LNPK: variants seen among roughly 807,000 people sequenced by gnomAD.
The protein encoded by LNPK is endoplasmic reticulum junction formation protein lunapark.
LNPK carries 29 observed loss-of-function variants against 55.2 expected under a neutral mutation model. That is an observed-to-expected ratio of 0.53 (90% confidence interval 0.39 to 0.72). The LOEUF is 0.72. Ranked by LOEUF, LNPK falls within the 30% of genes least tolerant of loss-of-function variation. The probability of loss-of-function intolerance (pLI) is 0.00; values close to 1 mark genes in which losing one functional copy is unlikely to be tolerated. For synonymous variants in LNPK, 162 were observed against 168.2 expected, an observed-to-expected ratio of 0.96 and a Z score of 0.29; for missense variants, 467 against 494.8, an observed-to-expected ratio of 0.94 and a Z score of 0.53.
chr2:175,948,029 A>C (rs1685229891), intron 8 of LNPK, among the ~76,000 whole-genome samples: 1 of 152,232 alleles, frequency 6.6e-6, no homozygotes, highest in Non-Finnish European at 1.5e-5. Context: ...AAAGTTTATC[A>C]GAATTAGTCA....
rs1188605177 is a variant in LNPK at position 175,964,533 on chromosome 2, C to T, written c.414G>A (p.Arg138=). The T allele has an allele frequency of 1.2e-6, 2 of 1,610,768 alleles. No individual in the cohort carries two copies. Among genetic ancestry groups the T allele is most frequent in the South Asian group, 2.2e-5 (2 of 90,998 alleles). The change falls in exon 7 of 13, where the codon AGG becomes AGA. Residue 138 remains arginine, a synonymous_variant. Transcript: ENST00000272748. ...TYKTAKLILE[R]FDPDSKKAKE... Reference sequence around the variant, plus strand: ...TTGCTTTCTTTGAGTCCGGATCAAACCTTTCAAGAATTAATTTAGCCGTCT... The same window carrying T: ...TTGCTTTCTTTGAGTCCGGATCAAATCTTTCAAGAATTAATTTAGCCGTCT...
rs1684001098 is a variant in LNPK, at chr2:175,926,207, T to G, written c.*3760A>C. 1 of 152,198 alleles carries G rather than the reference T, an allele frequency of 6.6e-6. No homozygotes were observed. The highest frequency in any genetic ancestry group is 1.5e-5 in the Non-Finnish European group (1 of 68,044). 9.4% of individuals were successfully genotyped at this position (152,198 alleles called of 1,614,324 possible). ...AATTTTAAGCAAAGTTGCTTCCTGC[T>G]ATGGTTTGAATGCTACAAAAAGCAT... On this transcript the variant is annotated 3_prime_UTR_variant, in exon 13 of 13. Transcript: ENST00000272748.
intron 2 of LNPK, 128 bp downstream of exon 2, chr2:175,995,430 G>A (rs901772645): frequency 3.4e-6 from 2 of 588,404 alleles, no homozygotes; most frequent in Non-Finnish European, 2.9e-6. Context: ...ATTCAAAAGA[G>A]AAGAAAAAAG....
At position 175,929,945 on chromosome 2, in the gene LNPK, T is replaced by A. The variant is rs1684183520; in HGVS notation, c.*22A>T. 1 of 1,613,082 alleles carries A rather than the reference T, an allele frequency of 6.2e-7. No homozygotes were observed. Among genetic ancestry groups the A allele is most frequent in the Non-Finnish European group, 8.5e-7 (1 of 1,179,412 alleles). On this transcript the variant is annotated 3_prime_UTR_variant, in exon 13 of 13. Coordinates refer to ENST00000272748, the MANE Select transcript of LNPK (RefSeq NM_030650.3). ...ATCAGTAAGACTATAAATATCCAGT[T>A]GAAGGCACGTGGAAGCATTTACTAC...
At chr2:175,976,384 G>A (rs1686914568) in intron 5 of LNPK, among the ~76,000 whole-genome samples, 1 of 152,224 alleles carries the variant, frequency 6.6e-6, no homozygotes, top group Non-Finnish European at 1.5e-5. Context: ...TAATGTGAAT[G>A]AATATGAAAG....
At chr2:175,952,251 T>C (rs573748282) in intron 8 of LNPK, among the ~76,000 whole-genome samples, 6 of 151,938 alleles carry the variant, frequency 3.9e-5, no homozygotes, top group Non-Finnish European at 7.4e-5. Flanking sequence ...ATTTCAGAAA[T>C]TGGATTTTAG....
At chr2:175,975,371 C>T (rs1400884889) in intron 5 of LNPK, among the ~76,000 whole-genome samples, 2 of 152,166 alleles carry the variant, frequency 1.3e-5, no homozygotes. Context: ...ATTTGTATAA[C>T]ACTTCGCAAT....
intron 12 of LNPK, among the ~76,000 whole-genome samples, chr2:175,931,077 A>C (rs943498148): frequency 4.6e-5 from 7 of 152,152 alleles, no homozygotes; most frequent in African/African-American, 1.7e-4. Flanking sequence ...CCTTTGGGCC[A>C]CCCAATTTCT....
At chr2:175,951,810 T>C (rs1298750004) in intron 8 of LNPK, among the ~76,000 whole-genome samples, 2 of 151,914 alleles carry the variant, frequency 1.3e-5, no homozygotes, top group African/African-American at 2.4e-5. Context: ...GAAATCTCCA[T>C]ACTGTTTTCC....
At chr2:175,986,393 T>C (rs544412122) in intron 4 of LNPK, among the ~76,000 whole-genome samples, 1 of 152,056 alleles carries the variant, frequency 6.6e-6, no homozygotes, top group South Asian at 2.1e-4. Context: ...CATCCATAAA[T>C]AACTGATAGA....
intron 1 of LNPK, among the ~76,000 whole-genome samples, chr2:175,998,137 A>T (rs996924083): frequency 2.6e-5 from 4 of 152,134 alleles, no homozygotes; most frequent in Non-Finnish European, 5.9e-5. Flanking sequence ...TAGTGTGCTA[A>T]GTAACATCCC....
chr2:175,995,986 T>C (rs1687914650), intron 1 of LNPK, among the ~76,000 whole-genome samples: 1 of 151,822 alleles, frequency 6.6e-6, no homozygotes, highest in African/African-American at 2.4e-5. Context: ...CTAATTTTTG[T>C]ATTCTTGGTA....
chr2:175,952,578 A>G (rs1242005947), intron 8 of LNPK, among the ~76,000 whole-genome samples: 25 of 152,014 alleles, frequency 1.6e-4, no homozygotes, highest in Admixed American at 1.5e-3. Context: ...AAGCTGCTCC[A>G]AATTCACCTT....
chr2:175,975,872 G>T (rs889303580), intron 5 of LNPK, among the ~76,000 whole-genome samples: 1 of 152,206 alleles, frequency 6.6e-6, no homozygotes, highest in African/African-American at 2.4e-5. Flanking sequence ...AATTAGCTGG[G>T]CATGGTGGCG....
At chr2:175,931,712 T>C (rs971974799) in intron 12 of LNPK, among the ~76,000 whole-genome samples, 2 of 152,204 alleles carry the variant, frequency 1.3e-5, no homozygotes, top group African/African-American at 4.8e-5. Flanking sequence ...GCTACACACA[T>C]GGAATTTTAT....
chr2:175,951,607 A>ATATATATATATATATATATATCTATC (rs972901665), intron 8 of LNPK, among the ~76,000 whole-genome samples: 4 of 121,752 alleles, frequency 3.3e-5, no homozygotes, highest in African/African-American at 8.6e-5. Flanking sequence ...ATATATATAT[A>ATATATATATATATATATATATCTATC]TATCTCAGTT....
rs1018495601 is a variant in LNPK, at chr2:175,957,481, G to C, written c.493+6891C>G. Among the ~76,000 whole-genome samples the C allele has an allele frequency of 1.9e-4, 29 of 151,752 alleles. No individual in the cohort carries two copies. In the Middle Eastern group the frequency reaches 0.01, roughly 53 times the overall value. On this transcript the variant is annotated intron_variant, in intron 8 of 12. Transcript: ENST00000272748. Reference sequence around the variant, plus strand: ...TTGTCAAAAGCCGACTTCTCCACTTGTATACTAGATCACATCCCCTCTTGC... The same window carrying C: ...TTGTCAAAAGCCGACTTCTCCACTTCTATACTAGATCACATCCCCTCTTGC...
At chr2:175,964,998 T>A (rs1402971198) in intron 6 of LNPK, among the ~76,000 whole-genome samples, 2 of 152,208 alleles carry the variant, frequency 1.3e-5, no homozygotes, top group African/African-American at 4.8e-5. Flanking sequence ...CCAAGAGCTT[T>A]ACAAAATAAA....
In LNPK at chr2:175,993,923, C is replaced by T. The variant is rs188062060; in HGVS notation, c.28-700G>A. Among the ~76,000 whole-genome samples, 395 of 152,210 alleles carry T rather than the reference C, an allele frequency of 2.6e-3. 1 individual carries two copies. The highest frequency in any genetic ancestry group is 4.4e-3 in the Non-Finnish European group (299 of 68,014). ...TACAGACTAAAAATGGTCTGATTTG[C>T]TATTGCTAAAAGTTCACTTAAGACT... is the stretch of plus-strand genomic sequence containing the variant. On this transcript the variant is annotated intron_variant, in intron 2 of 12. Transcript: ENST00000272748.
Sources: gnomAD v4.1 joint callset for allele counts (sites outside exome capture counted in the v4.1 genomes callset) on GRCh38, gnomAD v4.1.1 for gene constraint, MANE v1.5 for transcripts, NCBI Gene and HGNC (gene_info 2026-07-23, HGNC 2026-07-21) for gene names.